LYPLAL1: variants seen among roughly 807,000 people sequenced by gnomAD.
The protein encoded by LYPLAL1 is lysophospholipase-like protein 1.
In LYPLAL1, 23 loss-of-function variants were observed where a neutral mutation model predicts 19.7. The ratio of observed to expected loss-of-function variants is 1.17; its 90% CI spans 0.84 to 1.65. The LOEUF is 1.65. Ranked by LOEUF, LYPLAL1 falls within the 40% of genes most tolerant of loss-of-function variation. The probability of loss-of-function intolerance (pLI) is 0.00; values close to 1 mark genes in which losing one functional copy is unlikely to be tolerated. For missense variants in LYPLAL1, 355 were observed against 279.4 expected (o/e 1.27, Z -1.93); for synonymous variants, 119 against 96.3 (o/e 1.24, Z -1.38).
At position 219,193,225 on chromosome 1, in the gene LYPLAL1, G is replaced by T. The variant is rs1657337130; in HGVS notation, c.335G>T (p.Gly112Val). 2 of 1,609,822 alleles carry T rather than the reference G, an allele frequency of 1.2e-6. No homozygotes were observed. Among genetic ancestry groups the T allele is most frequent in the South Asian group, 1.1e-5 (1 of 90,914 alleles). The part of the protein sequence containing the change: ...TDLIDEEVKS[G>V]IKKNRILIGG... Reference sequence around the variant, plus strand: ...TTGATTGATGAAGAAGTAAAAAGTGGCATCAAGAAGAACAGGATATTAATA... The same window carrying T: ...TTGATTGATGAAGAAGTAAAAAGTGTCATCAAGAAGAACAGGATATTAATA... Residue 112 changes from glycine (G) to valine (V), a missense_variant, in exon 3 of 5, where the codon GGC becomes GTC. Coordinates refer to ENST00000366928, the MANE Select transcript of LYPLAL1 (RefSeq NM_138794.5).
chr1:219,270,018 A>C, the LYPLAL1 span, among the ~76,000 whole-genome samples: 1 of 152,218 alleles, frequency 6.6e-6, no homozygotes, highest in Non-Finnish European at 1.5e-5. Context: ...TGATGACCAA[A>C]TTTCTCTAAA....
the LYPLAL1 span, among the ~76,000 whole-genome samples, chr1:219,427,113 C>T: frequency 2.0e-5 from 3 of 152,280 alleles, no homozygotes; most frequent in East Asian, 5.8e-4. Context: ...TAAGATTTCC[C>T]ATGTGGTCCT....
chr1:219,376,187 G>T, the LYPLAL1 span, among the ~76,000 whole-genome samples: 3 of 152,086 alleles, frequency 2.0e-5, no homozygotes, highest in African/African-American at 7.2e-5. Context: ...AGAAATATAT[G>T]TTCAAATGAT....
chr1:219,195,795 A>G (rs540466472), intron 3 of LYPLAL1, among the ~76,000 whole-genome samples: 1 of 152,228 alleles, frequency 6.6e-6, no homozygotes, highest in East Asian at 1.9e-4. Context: ...CCTATCACCT[A>G]GGTATTAAGA....
In LYPLAL1 at chr1:219,185,826, T is replaced by C. The variant is rs1656677187; in HGVS notation, c.191+6580T>C. Among the ~76,000 whole-genome samples the C allele has an allele frequency of 2.0e-5, 3 of 152,110 alleles. No homozygotes were observed. The South Asian group carries it at 6.2e-4, about 31-fold the overall frequency. On this transcript the variant is annotated intron_variant, in intron 2 of 4. Coordinates refer to ENST00000366928, the MANE Select transcript of LYPLAL1 (RefSeq NM_138794.5). ...TGTAGTATCTTGGCAGCATGGAGGC[T>C]GGATTCCAAGAGCAAAAGTGTCTAA...
At chr1:219,397,371 G>C in the LYPLAL1 span, among the ~76,000 whole-genome samples, 1 of 152,152 alleles carries the variant, frequency 6.6e-6, no homozygotes, top group Non-Finnish European at 1.5e-5. Context: ...TGGCCTGAAG[G>C]TTTCTTTTTT....
At chr1:219,444,381 T>C in the LYPLAL1 span, among the ~76,000 whole-genome samples, 2 of 152,244 alleles carry the variant, frequency 1.3e-5, no homozygotes, top group Admixed American at 6.5e-5. Flanking sequence ...CATGTTTGGT[T>C]TGAAGTTTGA....
chr1:219,230,427 A>G, the LYPLAL1 span, among the ~76,000 whole-genome samples: 1 of 152,170 alleles, frequency 6.6e-6, no homozygotes, highest in Admixed American at 6.5e-5. Flanking sequence ...TTATCTTGCA[A>G]TTTGATTGAC....
the LYPLAL1 span, among the ~76,000 whole-genome samples, chr1:219,282,077 T>A: frequency 6.6e-6 from 1 of 152,280 alleles, no homozygotes; most frequent in South Asian, 2.1e-4. Context: ...AGGACTTAGA[T>A]GAATCAGAGT....
At chr1:219,444,708 C>G in the LYPLAL1 span, among the ~76,000 whole-genome samples, 4 of 152,270 alleles carry the variant, frequency 2.6e-5, no homozygotes, top group African/African-American at 9.6e-5. Context: ...AAATTTCCCT[C>G]TGATTGGTAA....
the LYPLAL1 span, among the ~76,000 whole-genome samples, chr1:219,299,140 C>CTTTTTTTTTTTTTTTTTTTTTT: frequency 7.7e-6 from 1 of 129,494 alleles, no homozygotes. Flanking sequence ...CCTCCCCCAG[C>CTTTTTTTTTTTTTTTTTTTTTT]TTTTTTTTTT....
chr1:219,242,627 G>A, the LYPLAL1 span, among the ~76,000 whole-genome samples: 1 of 151,856 alleles, frequency 6.6e-6, no homozygotes, highest in African/African-American at 2.4e-5. Context: ...ATTGTGTATT[G>A]GTTGGGAGTA....
the LYPLAL1 span, among the ~76,000 whole-genome samples, chr1:219,296,689 G>T: frequency 3.9e-5 from 6 of 152,238 alleles, 1 homozygote; most frequent in South Asian, 1.2e-3. Context: ...GATTTAAAAG[G>T]TTCAAACAGC....
At chr1:219,312,789 C>T in the LYPLAL1 span, among the ~76,000 whole-genome samples, 2 of 152,134 alleles carry the variant, frequency 1.3e-5, no homozygotes, top group African/African-American at 4.8e-5. Flanking sequence ...CGATAGGCTG[C>T]GTTAGAGAAG....
chr1:219,279,136 G>T, the LYPLAL1 span, among the ~76,000 whole-genome samples: 1 of 152,058 alleles, frequency 6.6e-6, no homozygotes, highest in Non-Finnish European at 1.5e-5. Flanking sequence ...GTGCGTTTTT[G>T]CCTCCTCCGC....
chr1:219,418,849 A>G, the LYPLAL1 span, among the ~76,000 whole-genome samples: 23 of 152,290 alleles, frequency 1.5e-4, no homozygotes, highest in Non-Finnish European at 2.6e-4. Context: ...TCATTTTATT[A>G]TCTCTAAAAA....
chr1:219,247,951 T>G, the LYPLAL1 span, among the ~76,000 whole-genome samples: 1 of 152,152 alleles, frequency 6.6e-6, no homozygotes, highest in Non-Finnish European at 1.5e-5. Context: ...CTTTAGGGAT[T>G]TTTTTAATCC....
chr1:219,193,063 G>GA lies in LYPLAL1; in HGVS notation c.192-19_192-18insA. The GA allele has an allele frequency of 1.3e-6, 2 of 1,516,146 alleles. No individual in the cohort carries two copies. The highest frequency in any genetic ancestry group is 1.3e-5 in the South Asian group (1 of 77,826). 93.9% of individuals were successfully genotyped at this position (1,516,146 alleles called of 1,614,324 possible). ...CCTTTTCCTTTCTTTTTTTTTGGGG[G>GA]GGGGCGGTTGTTAAACAGATCATAT... is the stretch of plus-strand genomic sequence containing the variant. On this transcript the variant is annotated intron_variant, in intron 2 of 4. Transcript: ENST00000366928.
the LYPLAL1 span, among the ~76,000 whole-genome samples, chr1:219,439,998 T>TATATATATATAC: frequency 4.5e-4 from 33 of 73,732 alleles, 1 homozygote; most frequent in African/African-American, 1.2e-3. Context: ...TATACACACA[T>TATATATATATAC]ATATATATAT....
Sources: allele counts gnomAD v4.1 joint callset (sites outside exome capture counted in the v4.1 genomes callset), GRCh38; gene constraint gnomAD v4.1.1; transcripts MANE v1.5; gene names NCBI Gene and HGNC (gene_info 2026-07-23, HGNC 2026-07-21).